The following CDH22 variants were observed in gnomAD, a reference collection of about 807,000 sequenced individuals.
CDH22 encodes cadherin-22.
In CDH22, 30 loss-of-function variants were observed where a neutral mutation model predicts 58.4. That is an observed-to-expected ratio of 0.51 (90% confidence interval 0.38 to 0.70). CDH22 has a LOEUF of 0.70. Ranked by LOEUF, CDH22 falls within the 30% of genes least tolerant of loss-of-function variation. The pLI, the probability that CDH22 is intolerant of heterozygous loss-of-function variation, is 0.00. For missense variants in CDH22, 1,014 were observed against 1,233.9 expected (o/e 0.82, Z 2.67); for synonymous variants, 513 against 558.2 (o/e 0.92, Z 1.14).
At chr20:46,279,201 C>T (rs1048098397) in intron 1 of CDH22, among the ~76,000 whole-genome samples, 3 of 152,130 alleles carry the variant, frequency 2.0e-5, no homozygotes, top group East Asian at 1.9e-4. Context: ...TGCAAAAGCT[C>T]GGTATATTAT....
chr20:46,195,552 G>A (rs978151287), intron 8 of CDH22, among the ~76,000 whole-genome samples: 1 of 152,116 alleles, frequency 6.6e-6, no homozygotes, highest in Non-Finnish European at 1.5e-5. Flanking sequence ...TCTTGAGAGT[G>A]TGGCTGGGTG....
At chr20:46,188,282 G>T (rs569550576) in intron 8 of CDH22, among the ~76,000 whole-genome samples, 1 of 152,288 alleles carries the variant, frequency 6.6e-6, no homozygotes, top group Admixed American at 6.5e-5. Context: ...GTGATTATGA[G>T]CAGTGCTGGG....
chr20:46,249,939 A>G (rs1395233891), intron 2 of CDH22, among the ~76,000 whole-genome samples: 7 of 152,190 alleles, frequency 4.6e-5, no homozygotes, highest in African/African-American at 1.7e-4. Flanking sequence ...CAGACAAAAT[A>G]TACTATTTAA....
At chr20:46,196,240 G>A (rs887819262) in intron 8 of CDH22, among the ~76,000 whole-genome samples, 8 of 152,050 alleles carry the variant, frequency 5.3e-5, no homozygotes, top group African/African-American at 1.9e-4. Flanking sequence ...CCCATCTCAT[G>A]GAGATGGTGA....
intron 10 of CDH22, among the ~76,000 whole-genome samples, chr20:46,181,812 C>CTTTTCT: frequency 1.1e-5 from 1 of 87,980 alleles, no homozygotes; most frequent in African/African-American, 4.2e-5. Context: ...CTTTCTCTTT[C>CTTTTCT]CTTTCTTTCT....
At chr20:46,283,347 GT>G (rs2086559542) in intron 1 of CDH22, among the ~76,000 whole-genome samples, 2 of 152,168 alleles carry the variant, frequency 1.3e-5, no homozygotes. Flanking sequence ...TTCCAGCTGC[GT>G]GACCTGGGAC....
chr20:46,229,298 C>CCG (rs1568666455), intron 3 of CDH22, among the ~76,000 whole-genome samples: 2 of 147,532 alleles, frequency 1.4e-5, no homozygotes, highest in African/African-American at 4.9e-5. Context: ...GGCCCCCCCC[C>CCG]CCAATTTTAC....
chr20:46,303,077 T>A (rs1167914819), intron 1 of CDH22, among the ~76,000 whole-genome samples: 1 of 152,108 alleles, frequency 6.6e-6, no homozygotes, highest in African/African-American at 2.4e-5. Context: ...TCCCCGCTGC[T>A]CTCGGGATGA....
chr20:46,218,596 A>T (rs2086102311), intron 4 of CDH22, among the ~76,000 whole-genome samples: 1 of 152,012 alleles, frequency 6.6e-6, no homozygotes. Context: ...ACCACCTCAC[A>T]TTCTTATTCA....
chr20:46,241,296 A>G lies in CDH22; in HGVS notation c.256-39T>C. The G allele has an allele frequency of 2.0e-6, 3 of 1,531,786 alleles. No homozygotes were observed. Among genetic ancestry groups the G allele is most frequent in the Non-Finnish European group, 2.6e-6 (3 of 1,132,642 alleles). The allele number at this position is 1,531,786 out of a possible 1,614,324, so 94.9% of individuals were successfully genotyped here. A position where few individuals can be genotyped will look rare whatever the true frequency, so the allele number is the denominator to read the frequency against. On this transcript the variant is annotated intron_variant, in intron 2 of 11. Transcript: ENST00000537909. This position sits in a 1 kb window ranked among gnomAD's most constrained non-coding sequence, Gnocchi z 5.2. ...GAAGAAGGCAAGGTGGAGGCTGAGA[A>G]GGAAGCTCCTCTTGGCCTCACTGTC... is the stretch of plus-strand genomic sequence containing the variant.
Position 46,289,193 on chromosome 20 carries a change from T to C in CDH22, c.-400+19062A>G, listed in dbSNP as rs373756127. On this transcript the variant is annotated intron_variant, in intron 1 of 11. Transcript: ENST00000537909. ...AACACCCTCGCCCCTGATGTCTGCC[T>C]GGCTCACTCTCTCCCTTCCTTCGAG... Among the ~76,000 whole-genome samples the C allele has an allele frequency of 9.8e-5, 15 of 152,318 alleles. No individual in the cohort carries two copies. In the South Asian group the frequency reaches 2.9e-3, roughly 29 times the overall value.
chr20:46,306,682 G>A (rs1467623300), intron 1 of CDH22, among the ~76,000 whole-genome samples: 1 of 152,218 alleles, frequency 6.6e-6, no homozygotes, highest in Non-Finnish European at 1.5e-5. Context: ...ACAGTTGAGT[G>A]CTACAGAAAA....
In CDH22 at chr20:46,199,631, C is replaced by T. The variant is rs1600692936; in HGVS notation, c.1287-72G>A. The T allele has an allele frequency of 3.2e-6, 5 of 1,544,058 alleles. No individual in the cohort carries two copies. The East Asian group carries it at 9.2e-5, about 29-fold the overall frequency. On this transcript the variant is annotated intron_variant, in intron 7 of 11. Transcript: ENST00000537909. ...TGGAGCCCATGTCCTTTTCTCCCAA[C>T]CCCACTCCAAGAGAGGGACCGCCTG... is the stretch of plus-strand genomic sequence containing the variant.
At chr20:46,186,997 A>T (rs2085831297) in intron 8 of CDH22, 50 bp from the exon 9 acceptor site, 1 of 1,524,242 alleles carries the variant, frequency 6.6e-7, no homozygotes, top group African/African-American at 1.4e-5. Flanking sequence ...TGGGAGATCT[A>T]GATAGCCTCC....
intron 1 of CDH22, among the ~76,000 whole-genome samples, chr20:46,282,488 A>G (rs1231074733): frequency 3.9e-5 from 6 of 152,226 alleles, no homozygotes; most frequent in Admixed American, 3.9e-4. Context: ...TACAGCCAGA[A>G]TAAAATCAGG....
Position 46,251,214 on chromosome 20 carries a change from C to A in CDH22, c.81G>T (p.Pro27=), listed in dbSNP as rs768167745. The stretch of plus-strand genomic sequence containing the variant: ...GGCGCCCCAGCAGCGTCGGCGGCGG[C>A]GGCAGCAGCAGCAGCAGCAGTAGCG... ...SPALLLLLLL[P]PPPTLLGRLW... The change falls in exon 2 of 12, where the codon CCG becomes CCT. Residue 27 remains proline (P), a synonymous_variant. Coordinates refer to ENST00000537909, the MANE Select transcript of CDH22 (RefSeq NM_021248.3). This position sits in a 1 kb window ranked among gnomAD's most constrained non-coding sequence, Gnocchi z 6.7. 59 of 1,467,168 alleles carry A rather than the reference C, an allele frequency of 4.0e-5. No individual in the cohort carries two copies. Among genetic ancestry groups the A allele is most frequent in the Non-Finnish European group, 2.5e-5 (28 of 1,111,394 alleles). 90.9% of individuals were successfully genotyped at this position (1,467,168 alleles called of 1,614,324 possible).
In CDH22 at chr20:46,251,319, C is replaced by G. The variant is rs1270865589; in HGVS notation, c.-25G>C. On this transcript the variant is annotated 5_prime_UTR_variant, in exon 2 of 12. Coordinates refer to ENST00000537909, the MANE Select transcript of CDH22 (RefSeq NM_021248.3). This position sits in a 1 kb window ranked among gnomAD's most constrained non-coding sequence, Gnocchi z 6.7. ...TCCTTGGCCTGCGCGGGGCTGGGGC[C>G]CAGGAGCATGGACGAGAGGCACCAG... The G allele has an allele frequency of 7.0e-7, 1 of 1,429,822 alleles. No homozygotes were observed. The highest frequency in any genetic ancestry group is 9.1e-7 in the Non-Finnish European group (1 of 1,100,880). 88.6% of individuals were successfully genotyped at this position (1,429,822 alleles called of 1,614,324 possible).
chr20:46,246,045 C>T (rs201292161), intron 2 of CDH22, among the ~76,000 whole-genome samples: 4 of 152,294 alleles, frequency 2.6e-5, no homozygotes, highest in East Asian at 1.9e-4. Context: ...ATGAAAAACA[C>T]AAGAGCGATG....
chr20:46,193,221 A>G (rs1169628008), intron 8 of CDH22, among the ~76,000 whole-genome samples: 1 of 152,104 alleles, frequency 6.6e-6, no homozygotes, highest in Non-Finnish European at 1.5e-5. Flanking sequence ...GGGGTCCGTT[A>G]GGGACTCAAG....
Sources: gnomAD v4.1 joint callset for allele counts (sites outside exome capture counted in the v4.1 genomes callset) on GRCh38, gnomAD v4.1.1 for gene constraint, Gnocchi (gnomAD v3.1) non-coding constraint, MANE v1.5 for transcripts, NCBI Gene and HGNC (gene_info 2026-07-23, HGNC 2026-07-21) for gene names.